The following GALNT17 variants were observed in gnomAD, a reference collection of about 807,000 sequenced individuals.
GALNT17 encodes the protein UDP-GalNAc:polypeptide N-acetylgalactosaminyltransferase-like 3.
Under a neutral mutation model 63.7 loss-of-function variants are expected in GALNT17, and 29 were observed. That is an observed-to-expected ratio of 0.46 (90% CI 0.34 to 0.62). GALNT17 has a LOEUF of 0.62. GALNT17 is among the 20% of genes least tolerant of loss of function. GALNT17 has a pLI of 0.01. For synonymous variants in GALNT17, 305 were observed against 318.3 expected (o/e 0.96, Z 0.45); for missense variants, 603 against 799.6 (o/e 0.75, Z 2.97).
intron 10 of GALNT17, 99 bp from the exon 11 acceptor site, chr7:71,711,919 T>A: frequency 2.2e-6 from 3 of 1,348,422 alleles, no homozygotes; most frequent in Non-Finnish European, 3.1e-6. Context: ...CTCTTTGTCA[T>A]TTTCTCTCTC....
At chr7:71,268,233 C>T (rs1024259069) in intron 1 of GALNT17, among the ~76,000 whole-genome samples, 5 of 151,998 alleles carry the variant, frequency 3.3e-5, no homozygotes, top group Non-Finnish European at 4.4e-5. Flanking sequence ...GAAATTTAAG[C>T]AAACCCCCCA....
At chr7:71,596,871 G>A (rs1789894226) in intron 6 of GALNT17, among the ~76,000 whole-genome samples, 1 of 151,976 alleles carries the variant, frequency 6.6e-6, no homozygotes, top group Non-Finnish European at 1.5e-5. Context: ...TCAGGGTTGA[G>A]GCTTTGCCAT....
intron 1 of GALNT17, among the ~76,000 whole-genome samples, chr7:71,238,502 G>C (rs193006578): frequency 6.6e-6 from 1 of 152,148 alleles, no homozygotes; most frequent in South Asian, 2.1e-4. Flanking sequence ...TGGGGTTACA[G>C]GCATGAGCCA....
In GALNT17 at chr7:71,478,515, A is replaced by G. The variant is rs1370532960; in HGVS notation, c.962+57410A>G. Among the ~76,000 whole-genome samples the G allele has an allele frequency of 7.2e-5, 11 of 152,120 alleles. No individual in the cohort carries two copies. In the South Asian group the frequency reaches 1.0e-3, roughly 14 times the overall value. ...TTTTCTATAGCAATGGGGTCTCCCT[A>G]TGGTTGCCCAAGCTGGTCTCAAACT... On this transcript the variant is annotated intron_variant, in intron 5 of 10. Coordinates refer to ENST00000333538, the MANE Select transcript of GALNT17 (RefSeq NM_022479.3).
At chr7:71,334,989 A>G (rs1275973892) in intron 1 of GALNT17, among the ~76,000 whole-genome samples, 1 of 152,200 alleles carries the variant, frequency 6.6e-6, no homozygotes, top group East Asian at 1.9e-4. Context: ...CAAAAGGGAA[A>G]CAGGCGTGAA....
chr7:71,695,745 G>T (rs1016679351), intron 9 of GALNT17, among the ~76,000 whole-genome samples: 4 of 152,138 alleles, frequency 2.6e-5, no homozygotes, highest in African/African-American at 9.7e-5. Context: ...GTTTGGGATT[G>T]GGCATTTGGA....
At chr7:71,277,569 T>G (rs1790705312) in intron 1 of GALNT17, among the ~76,000 whole-genome samples, 1 of 152,214 alleles carries the variant, frequency 6.6e-6, no homozygotes, top group African/African-American at 2.4e-5. Flanking sequence ...ACATGTCACA[T>G]TTTTAAAATG....
At chr7:71,172,013 G>A (rs1456800846) in intron 1 of GALNT17, among the ~76,000 whole-genome samples, 1 of 152,170 alleles carries the variant, frequency 6.6e-6, no homozygotes, top group Non-Finnish European at 1.5e-5. Flanking sequence ...CAGCTCTTGG[G>A]TTACCTGGGG....
intron 5 of GALNT17, among the ~76,000 whole-genome samples, chr7:71,431,158 T>C (rs1786855236): frequency 6.6e-6 from 1 of 151,806 alleles, no homozygotes; most frequent in South Asian, 2.1e-4. Flanking sequence ...ACAATACACA[T>C]CTATTCGCTC....
At chr7:71,152,433 C>T (rs1246868787) in intron 1 of GALNT17, among the ~76,000 whole-genome samples, 2 of 152,096 alleles carry the variant, frequency 1.3e-5, no homozygotes, top group African/African-American at 2.4e-5. Context: ...ATGTCTTCAT[C>T]CTCATCCTCT....
At position 71,366,513 on chromosome 7, in the gene GALNT17, G is replaced by A. The variant is rs148807846; in HGVS notation, c.423-21722G>A. On this transcript the variant is annotated intron_variant, in intron 2 of 10. Transcript: ENST00000333538. ...GGAGAATTGCTTGAACCTGGGAAGCGGAGGTTGCAGTGAGCTGAGATCGTG... is the reference window on the plus strand; with the variant it reads ...GGAGAATTGCTTGAACCTGGGAAGCAGAGGTTGCAGTGAGCTGAGATCGTG... Among the ~76,000 whole-genome samples the A allele has an allele frequency of 2.5e-3, 388 of 152,210 alleles. 2 individuals are homozygous for A. Among genetic ancestry groups the A allele is most frequent in the African/African-American group, 8.5e-3 (351 of 41,536 alleles).
At chr7:71,623,412 T>C (rs569641139) in intron 6 of GALNT17, among the ~76,000 whole-genome samples, 109 of 151,488 alleles carry the variant, frequency 7.2e-4, no homozygotes, top group African/African-American at 2.6e-3. Flanking sequence ...TTCATTTCTA[T>C]TTTATTTTAT....
chr7:71,479,223 A>G (rs1787773906), intron 5 of GALNT17, among the ~76,000 whole-genome samples: 2 of 152,242 alleles, frequency 1.3e-5, no homozygotes, highest in East Asian at 1.9e-4. Flanking sequence ...GGCTTTGCTC[A>G]GTTCATGATG....
chr7:71,555,465 A>G lies in GALNT17; in HGVS notation c.963-15820A>G, dbSNP rs568185557. Among the ~76,000 whole-genome samples the G allele has an allele frequency of 8.4e-5, 12 of 142,876 alleles. No homozygotes were observed. In the East Asian group the frequency reaches 2.4e-3, roughly 28 times the overall value. The allele number at this position is 142,876 out of a possible 152,430, so 93.7% of individuals were successfully genotyped here. A position where few individuals can be genotyped will look rare whatever the true frequency, so the allele number is the denominator to read the frequency against. On this transcript the variant is annotated intron_variant, in intron 5 of 10. Transcript: ENST00000333538. ...GCTTTGTCTTACTGAACTCATTACCATGGGGAGAACGCCAAACCATTCATG... is the reference window on the plus strand; with the variant it reads ...GCTTTGTCTTACTGAACTCATTACCGTGGGGAGAACGCCAAACCATTCATG...
chr7:71,416,702 G>C (rs571467878), intron 4 of GALNT17, among the ~76,000 whole-genome samples: 2 of 152,232 alleles, frequency 1.3e-5, no homozygotes, highest in East Asian at 3.9e-4. Flanking sequence ...TATTTTTCTT[G>C]TTCTCTTTTC....
At chr7:71,209,180 C>CG (rs1190877341) in intron 1 of GALNT17, among the ~76,000 whole-genome samples, 2 of 152,162 alleles carry the variant, frequency 1.3e-5, no homozygotes, top group African/African-American at 4.8e-5. Flanking sequence ...GAATGTTTTT[C>CG]AATCCTTTAC....
chr7:71,165,949 T>TC (rs1788432801), intron 1 of GALNT17, among the ~76,000 whole-genome samples: 1 of 130,680 alleles, frequency 7.7e-6, no homozygotes, highest in African/African-American at 3.9e-5. Context: ...TGAAAGCTGC[T>TC]CTTTTTTTTT....
chr7:71,690,390 T>C (rs2117093116), intron 9 of GALNT17, among the ~76,000 whole-genome samples: 1 of 152,238 alleles, frequency 6.6e-6, no homozygotes, highest in Non-Finnish European at 1.5e-5. Flanking sequence ...AAAGATTCCT[T>C]TCACAATATC....
chr7:71,449,908 G>A (rs539062189), intron 5 of GALNT17, among the ~76,000 whole-genome samples: 1 of 151,796 alleles, frequency 6.6e-6, no homozygotes, highest in East Asian at 2.0e-4. Context: ...AGTCGTGGTG[G>A]CAGGTACCTG....
Sources: allele counts gnomAD v4.1 joint callset (sites outside exome capture counted in the v4.1 genomes callset), GRCh38; gene constraint gnomAD v4.1.1; transcripts MANE v1.5; gene names NCBI Gene and HGNC (gene_info 2026-07-23, HGNC 2026-07-21).